Variants in NOL4 observed in about 807,000 individuals in gnomAD.
NOL4 encodes cancer/testis antigen 125.
Under a neutral mutation model 75.9 loss-of-function variants are expected in NOL4, and 17 were observed. That is an observed-to-expected ratio of 0.22 (90% CI 0.15 to 0.34). The LOEUF (loss-of-function observed/expected upper bound fraction) is 0.34, where lower values mean the gene tolerates loss of function less well. NOL4 is among the 10% of genes least tolerant of loss of function. The probability of loss-of-function intolerance (pLI) is 1.00; values close to 1 mark genes in which losing one functional copy is unlikely to be tolerated. For synonymous variants in NOL4, 292 were observed against 289.9 expected (o/e 1.01, Z -0.07); for missense variants, 614 against 793.5 (o/e 0.77, Z 2.72).
chr18:34,110,378 A>C (rs1438266931), intron 2 of NOL4, among the ~76,000 whole-genome samples: 1 of 152,146 alleles, frequency 6.6e-6, no homozygotes, highest in African/African-American at 2.4e-5. Flanking sequence ...GGATGTTTCA[A>C]CATACACAAA....
At chr18:34,052,822 T>C (rs1368829427) in intron 5 of NOL4, among the ~76,000 whole-genome samples, 1 of 152,032 alleles carries the variant, frequency 6.6e-6, no homozygotes, top group Non-Finnish European at 1.5e-5. Flanking sequence ...TATGAAATCA[T>C]ATAACAAGCA....
chr18:34,078,596 T>A (rs1380009945), intron 5 of NOL4, among the ~76,000 whole-genome samples: 1 of 152,188 alleles, frequency 6.6e-6, no homozygotes, highest in African/African-American at 2.4e-5. Context: ...AAACATTTAA[T>A]AATTCATGTT....
intron 6 of NOL4, among the ~76,000 whole-genome samples, chr18:33,988,043 A>AG (rs1045726571): frequency 6.6e-6 from 1 of 152,108 alleles, no homozygotes; most frequent in Non-Finnish European, 1.5e-5. Flanking sequence ...GGTCAAACAC[A>AG]GGGGGAAGGG....
chr18:34,021,042 A>G (rs1206252408), intron 5 of NOL4, among the ~76,000 whole-genome samples: 1 of 152,144 alleles, frequency 6.6e-6, no homozygotes, highest in Non-Finnish European at 1.5e-5. Flanking sequence ...CATTCATGGG[A>G]ATTATATTCA....
chr18:34,176,925 A>G (rs188250114), intron 1 of NOL4, among the ~76,000 whole-genome samples: 86 of 152,244 alleles, frequency 5.6e-4, no homozygotes, highest in Middle Eastern at 6.8e-3. Flanking sequence ...ACTGAAAGCA[A>G]TAAGAGAGAA....
chr18:33,992,789 T>C (rs994514799), intron 6 of NOL4, among the ~76,000 whole-genome samples: 1 of 151,968 alleles, frequency 6.6e-6, no homozygotes, highest in African/African-American at 2.4e-5. Context: ...TCACCTACAC[T>C]AGAGCTCAGT....
intron 6 of NOL4, among the ~76,000 whole-genome samples, chr18:33,981,373 T>C (rs1004658464): frequency 2.7e-5 from 4 of 149,746 alleles, no homozygotes; most frequent in African/African-American, 7.3e-5. Context: ...TGGGAAAAAC[T>C]ACACCTAGCC....
At chr18:33,996,947 G>T (rs2073332494) in intron 6 of NOL4, among the ~76,000 whole-genome samples, 1 of 151,782 alleles carries the variant, frequency 6.6e-6, no homozygotes, top group Non-Finnish European at 1.5e-5. Flanking sequence ...GGATTACTGG[G>T]TCAAATGGTA....
chr18:34,141,213 G>A (rs1454266632), intron 1 of NOL4, among the ~76,000 whole-genome samples: 1 of 152,266 alleles, frequency 6.6e-6, no homozygotes, highest in African/African-American at 2.4e-5. Flanking sequence ...AACATTCCAT[G>A]CTCATGGATA....
chr18:34,199,065 A>G (rs535698854), intron 1 of NOL4, among the ~76,000 whole-genome samples: 1 of 152,004 alleles, frequency 6.6e-6, no homozygotes, highest in Non-Finnish European at 1.5e-5. Flanking sequence ...ACAACAAATC[A>G]ACATAAGTGA....
intron 1 of NOL4, among the ~76,000 whole-genome samples, chr18:34,157,456 C>G (rs1477632189): frequency 6.6e-6 from 1 of 151,672 alleles, no homozygotes; most frequent in African/African-American, 2.4e-5. Flanking sequence ...ATTTGAGATG[C>G]CTGCAGGTAA....
At chr18:34,012,939 C>A (rs992799478) in intron 6 of NOL4, among the ~76,000 whole-genome samples, 2 of 151,824 alleles carry the variant, frequency 1.3e-5, no homozygotes, top group Non-Finnish European at 2.9e-5. Context: ...GTGGGTGTAG[C>A]GAAAATTACA....
rs2031325025 is a variant in NOL4, at chr18:34,160,686, T to A, written c.265-30666A>T. Among the ~76,000 whole-genome samples the A allele has an allele frequency of 2.0e-5, 3 of 152,190 alleles. No homozygotes were observed. In the South Asian group the frequency reaches 6.2e-4, roughly 32 times the overall value. ...ATCTTTTAATTAGAGTTTTAAAAAA[T>A]TTTAATTGGCACAATAATTGTAGAT... On this transcript the variant is annotated intron_variant, in intron 1 of 10. Coordinates refer to ENST00000261592, the MANE Select transcript of NOL4 (RefSeq NM_003787.5).
intron 5 of NOL4, among the ~76,000 whole-genome samples, chr18:34,025,829 CT>C (rs374808375): frequency 3.6e-4 from 54 of 152,032 alleles, no homozygotes; most frequent in African/African-American, 1.3e-3. Flanking sequence ...CATACTAGAC[CT>C]GTTAAGTACC....
chr18:33,992,441 A>C (rs1375104355), intron 6 of NOL4, among the ~76,000 whole-genome samples: 1 of 151,950 alleles, frequency 6.6e-6, no homozygotes, highest in Admixed American at 6.6e-5. Flanking sequence ...AACGAACAAA[A>C]AGTCTCTGGA....
rs554061714 is a variant in NOL4, at chr18:33,916,859, G to A, written c.1542+26206C>T. On this transcript the variant is annotated intron_variant, in intron 9 of 10. Coordinates refer to ENST00000261592, the MANE Select transcript of NOL4 (RefSeq NM_003787.5). ...TATTTGTCCTAAAGTATAGCTTCAAGTAAAACATTCAATTAGAAAGGATAG... is the reference window on the plus strand; with the variant it reads ...TATTTGTCCTAAAGTATAGCTTCAAATAAAACATTCAATTAGAAAGGATAG... 4.1e-4 allele frequency among the ~76,000 whole-genome samples: 62 copies of A among 152,136 alleles called. 1 individual carries two copies. Among genetic ancestry groups the A allele is most frequent in the Non-Finnish European group, 7.2e-4 (49 of 67,994 alleles).
intron 9 of NOL4, among the ~76,000 whole-genome samples, chr18:33,907,748 T>G (rs963595749): frequency 6.6e-6 from 1 of 152,138 alleles, no homozygotes; most frequent in Admixed American, 6.6e-5. Context: ...TTTAATCAAA[T>G]TTGTGACACA....
At chr18:34,207,379 C>G (rs1265284286) in intron 1 of NOL4, among the ~76,000 whole-genome samples, 1 of 152,146 alleles carries the variant, frequency 6.6e-6, no homozygotes, top group East Asian at 1.9e-4. Context: ...TAGACTGACA[C>G]CAAAAATTCT....
chr18:33,969,412 G>A (rs2070867361), intron 6 of NOL4, among the ~76,000 whole-genome samples: 1 of 151,286 alleles, frequency 6.6e-6, no homozygotes, highest in Admixed American at 6.6e-5. Context: ...TCTCAATCTT[G>A]TATTAAATAA....
Sources: allele counts gnomAD v4.1 joint callset (sites outside exome capture counted in the v4.1 genomes callset), GRCh38; gene constraint gnomAD v4.1.1; transcripts MANE v1.5; gene names NCBI Gene and HGNC (gene_info 2026-07-23, HGNC 2026-07-21).